The following SMC3 variants were observed in gnomAD, a reference collection of about 807,000 sequenced individuals.
The protein encoded by SMC3 is structural maintenance of chromosomes 3, also known as structural maintenance of chromosomes protein 3.
SMC3 carries 20 observed loss-of-function variants against 171.8 expected under a neutral mutation model. The observed-to-expected ratio is 0.12, with a 90% CI of 0.08 to 0.17. The LOEUF is 0.17. Among genes scored for constraint, SMC3 ranks in the 10% least tolerant of loss-of-function variants. SMC3 has a pLI of 1.00. For synonymous variants in SMC3, 464 were observed against 451.1 expected, an observed-to-expected ratio of 1.03 and a Z score of -0.36; for missense variants, 543 against 1,420.4, an observed-to-expected ratio of 0.38 and a Z score of 9.93.
At chr10:110,596,783 A>G (rs781032002) in intron 19 of SMC3, among the ~76,000 whole-genome samples, 1 of 152,206 alleles carries the variant, frequency 6.6e-6, no homozygotes, top group Non-Finnish European at 1.5e-5. Flanking sequence ...ATAGAACACA[A>G]AAATAAAGGT....
rs1410371314 is a variant in SMC3 at position 110,605,108 on chromosome 10, G to T, written c.*806G>T. ...AGATTGGAGCTAATACCACAGAAGC[G>T]AAGTATTCTCATTACCTCATATAAT... On this transcript the variant is annotated 3_prime_UTR_variant, in exon 29 of 29. Transcript: ENST00000361804. Among the ~76,000 whole-genome samples the T allele has an allele frequency of 1.3e-5, 2 of 152,136 alleles. No individual in the cohort carries two copies. Among genetic ancestry groups the T allele is most frequent in the East Asian group, 1.9e-4 (1 of 5,204 alleles).
chr10:110,593,372 G>C (rs1256370434), intron 18 of SMC3, 149 bp downstream of exon 18: 3 of 733,800 alleles, frequency 4.1e-6, no homozygotes. Flanking sequence ...AGGAGTTCAA[G>C]ACCAGCCTGG....
chr10:110,573,854 A>G, intron 3 of SMC3, 109 bp downstream of exon 3: 1 of 798,268 alleles, frequency 1.3e-6, no homozygotes, highest in East Asian at 2.5e-5. Flanking sequence ...CCCAAGAAAT[A>G]CTTTATATGG....
At chr10:110,589,165 G>A (rs1435813941) in intron 13 of SMC3, among the ~76,000 whole-genome samples, 6 of 151,954 alleles carry the variant, frequency 3.9e-5, no homozygotes, top group Non-Finnish European at 7.4e-5. Context: ...CGAGACGGGC[G>A]GATCATGAGG....
chr10:110,593,596 G>T (rs992925983), intron 18 of SMC3, among the ~76,000 whole-genome samples: 1 of 151,792 alleles, frequency 6.6e-6, no homozygotes, highest in Non-Finnish European at 1.5e-5. Flanking sequence ...CATATAATCT[G>T]TATAATATGT....
At chr10:110,593,285 A>C in intron 18 of SMC3, 62 bp downstream of exon 18, 2 of 1,560,116 alleles carry the variant, frequency 1.3e-6, no homozygotes, top group Non-Finnish European at 1.8e-6. Flanking sequence ...TAAAACATAT[A>C]ATCTGGCTGG....
At chr10:110,595,680 C>T (rs1284849140) in intron 18 of SMC3, among the ~76,000 whole-genome samples, 1 of 152,060 alleles carries the variant, frequency 6.6e-6, no homozygotes, top group Non-Finnish European at 1.5e-5. Context: ...TATTAGCTGT[C>T]ACTCTTCTGT....
chr10:110,598,777 T>C (rs1024504202), intron 20 of SMC3, among the ~76,000 whole-genome samples: 2 of 152,184 alleles, frequency 1.3e-5, no homozygotes, highest in Non-Finnish European at 2.9e-5. Context: ...AGTCTCCTAT[T>C]GTTGGCACGT....
chr10:110,582,669 AACTT>A (rs376911685), intron 10 of SMC3, 27 bp downstream of exon 10: 42 of 1,551,108 alleles, frequency 2.7e-5, no homozygotes, highest in African/African-American at 1.5e-4. Flanking sequence ...GGTTCATGTT[AACTT>A]ACTTTTTACT....
chr10:110,598,099 T>C (rs772217442), intron 19 of SMC3, 40 bp from the exon 20 acceptor site: 4 of 1,582,606 alleles, frequency 2.5e-6, no homozygotes, highest in Non-Finnish European at 3.5e-6. Context: ...ACATACGATA[T>C]ATTTACAACC....
chr10:110,587,597 A>C (rs1861141893), intron 13 of SMC3, among the ~76,000 whole-genome samples: 1 of 151,974 alleles, frequency 6.6e-6, no homozygotes, highest in Non-Finnish European at 1.5e-5. Context: ...GAGGCAGGAG[A>C]ATGGCGTGAA....
chr10:110,601,454 TTGAG>T (rs542485378), intron 23 of SMC3, among the ~76,000 whole-genome samples, 179 bp from the exon 24 acceptor site: 1 of 152,188 alleles, frequency 6.6e-6, no homozygotes, highest in African/African-American at 2.4e-5. Flanking sequence ...AATTATATAT[TTGAG>T]TGACTCATAT....
chr10:110,583,586 C>G, intron 11 of SMC3, 38 bp downstream of exon 11: 1 of 1,599,282 alleles, frequency 6.3e-7, no homozygotes, highest in South Asian at 1.1e-5. Context: ...TGTGAATGTT[C>G]AGGTGAGTAG....
intron 17 of SMC3, 21 bp downstream of exon 17, chr10:110,591,153 G>A: frequency 3.7e-6 from 6 of 1,609,970 alleles, no homozygotes; most frequent in Middle Eastern, 1.8e-4. Context: ...GTGTGATAAG[G>A]TGTATTTCTC....
chr10:110,590,906 C>G, intron 16 of SMC3, 85 bp from the exon 17 acceptor site: 1 of 1,229,776 alleles, frequency 8.1e-7, no homozygotes. Flanking sequence ...ATGCAGGAGG[C>G]TGAGGTGGGA....
Position 110,571,613 on chromosome 10 carries a change from C to T in SMC3, c.92-2094C>T, listed in dbSNP as rs541706585. The stretch of plus-strand genomic sequence containing the variant: ...CAATTCAGGAGTACCTGAATGTACT[C>T]CCAAGGTAGCTTGAATCTACCAGAG... On this transcript the variant is annotated intron_variant, in intron 2 of 28. Coordinates refer to ENST00000361804, the MANE Select transcript of SMC3 (RefSeq NM_005445.4). 1.6e-4 allele frequency among the ~76,000 whole-genome samples: 25 copies of T among 152,278 alleles called. No homozygotes were observed. The East Asian group carries it at 4.2e-3, about 26-fold the overall frequency.
chr10:110,589,701 G>T lies in SMC3; in HGVS notation c.1402G>T (p.Glu468Ter). The change falls in exon 14 of 29, where the codon GAA becomes TAA. Residue 468 changes from glutamate (E) to a stop codon, truncating the protein, a stop_gained. Transcript: ENST00000361804. LOFTEE classifies it high-confidence loss of function. ...AAATAAGAAAGATGAACTACAAAGT[G>T]AAAGAAAGTTAGTATAGACTAAAAT... The part of the protein sequence containing the change: ...VKNKKDELQS[E>*]RNYLWREENA... 6.3e-7 allele frequency: 1 copy of T among 1,583,142 alleles called. No homozygotes were observed. The highest frequency in any genetic ancestry group is 1.1e-5 in the South Asian group (1 of 90,048).
At chr10:110,577,573 CT>C (rs1860970915) in intron 5 of SMC3, 81 bp downstream of exon 5, 6 of 1,002,606 alleles carry the variant, frequency 6.0e-6, no homozygotes, top group Non-Finnish European at 3.1e-6. Flanking sequence ...ACTTTTTAAG[CT>C]TTTATAATTT....
chr10:110,600,094 A>C (rs191169135), intron 21 of SMC3, among the ~76,000 whole-genome samples: 1 of 152,236 alleles, frequency 6.6e-6, no homozygotes, highest in Admixed American at 6.5e-5. Context: ...TAGCCTTACC[A>C]TATTTATCTT....
Sources: allele counts gnomAD v4.1 joint callset (sites outside exome capture counted in the v4.1 genomes callset), GRCh38; gene constraint gnomAD v4.1.1; transcripts MANE v1.5; gene names NCBI Gene and HGNC (gene_info 2026-07-23, HGNC 2026-07-21).